Variants in ARMC2 observed in about 807,000 individuals in gnomAD.
The protein encoded by ARMC2 is armadillo repeat containing 2.
ARMC2 carries 67 observed loss-of-function variants against 90.3 expected under a neutral mutation model. That is an observed-to-expected ratio of 0.74 (90% CI 0.61 to 0.91). The LOEUF (loss-of-function observed/expected upper bound fraction) is 0.91. Ranked by LOEUF, ARMC2 falls within the 40% of genes least tolerant of loss-of-function variation. The probability of loss-of-function intolerance (pLI) is 0.00; values close to 1 mark genes in which losing one functional copy is unlikely to be tolerated. For missense variants in ARMC2, 920 were observed against 1,030.9 expected (o/e 0.89, Z 1.47); for synonymous variants, 393 against 393.0 (o/e 1.00, Z 0.00).
intron 3 of ARMC2, among the ~76,000 whole-genome samples, chr6:108,863,640 T>G (rs1207632529): frequency 6.6e-6 from 1 of 152,226 alleles, no homozygotes; most frequent in Non-Finnish European, 1.5e-5. Context: ...ACAGGAAGTG[T>G]TGTCTTTCAT....
intron 11 of ARMC2, among the ~76,000 whole-genome samples, chr6:108,928,561 C>T (rs546812992): frequency 9.9e-5 from 15 of 152,102 alleles, no homozygotes; most frequent in Non-Finnish European, 2.1e-4. Flanking sequence ...AGCAAACCTT[C>T]CAGTTTGCTA....
chr6:108,941,570 A>T (rs893995429), intron 12 of ARMC2, among the ~76,000 whole-genome samples: 20 of 152,240 alleles, frequency 1.3e-4, no homozygotes, highest in Admixed American at 1.2e-3. Context: ...GATACCAGAC[A>T]CAATAAAGTT....
the ARMC2 span, among the ~76,000 whole-genome samples, chr6:109,041,579 G>A: frequency 6.6e-6 from 1 of 151,988 alleles, no homozygotes; most frequent in African/African-American, 2.4e-5. Flanking sequence ...AGACTTCAGA[G>A]CAAAGAAAAT....
the ARMC2 span, chr6:108,994,707 T>C: frequency 9.0e-7 from 1 of 1,115,196 alleles, no homozygotes; most frequent in African/African-American, 1.7e-5. Flanking sequence ...TCTTTTTTTT[T>C]TTTTTTTTTT....
intron 17 of ARMC2, among the ~76,000 whole-genome samples, chr6:108,972,704 C>T (rs760624314): frequency 1.1e-4 from 17 of 152,142 alleles, no homozygotes; most frequent in Non-Finnish European, 2.4e-4. Flanking sequence ...CTCTGTGTCT[C>T]TTAGGCTGGA....
chr6:108,901,026 C>G (rs1772084447), intron 7 of ARMC2, among the ~76,000 whole-genome samples: 1 of 142,282 alleles, frequency 7.0e-6, no homozygotes, highest in African/African-American at 2.6e-5. Context: ...TATTGCACAA[C>G]ATTGAATGGG....
At chr6:109,006,946 T>A in the ARMC2 span, among the ~76,000 whole-genome samples, 2 of 152,160 alleles carry the variant, frequency 1.3e-5, no homozygotes, top group Non-Finnish European at 2.9e-5. Flanking sequence ...CAATCCAGAT[T>A]CTAGGAGACA....
chr6:108,905,209 T>C (rs1019328654), intron 8 of ARMC2, among the ~76,000 whole-genome samples: 9 of 152,314 alleles, frequency 5.9e-5, no homozygotes, highest in Non-Finnish European at 1.3e-4. Flanking sequence ...CAGTACACAG[T>C]GAAGGTAAGT....
At position 108,929,325 on chromosome 6, in the gene ARMC2, C is replaced by G. The variant is rs80259982; in HGVS notation, c.1496+1092C>G. Among the ~76,000 whole-genome samples, 638 of 152,256 alleles carry G rather than the reference C, an allele frequency of 4.2e-3. 3 individuals are homozygous for G. Among genetic ancestry groups the G allele is most frequent in the African/African-American group, 0.014 (598 of 41,550 alleles). On this transcript the variant is annotated intron_variant, in intron 11 of 17. Transcript: ENST00000392644. ...GTTCCAGCACCTTTTACTGACTATG[C>G]CATCCTTTCTCACTGATTTTGTCAA... is the stretch of plus-strand genomic sequence containing the variant.
chr6:109,006,399 T>G, the ARMC2 span, among the ~76,000 whole-genome samples: 3 of 151,998 alleles, frequency 2.0e-5, no homozygotes, highest in African/African-American at 7.3e-5. Context: ...GCTGCACCCA[T>G]TAACTTGTCA....
intron 7 of ARMC2, among the ~76,000 whole-genome samples, chr6:108,902,371 C>T (rs1772240679): frequency 6.6e-6 from 1 of 152,166 alleles, no homozygotes; most frequent in Non-Finnish European, 1.5e-5. Context: ...TAGAACCTAC[C>T]AGGCTGAAGA....
chr6:108,855,529 G>A (rs987681997), intron 2 of ARMC2, among the ~76,000 whole-genome samples: 5 of 152,166 alleles, frequency 3.3e-5, no homozygotes, highest in African/African-American at 9.7e-5. Flanking sequence ...GGGATTACAG[G>A]CGTGAGCGAC....
At chr6:109,000,547 C>A in the ARMC2 span, 1 of 1,611,118 alleles carries the variant, frequency 6.2e-7, no homozygotes, top group African/African-American at 1.3e-5. Context: ...TTGTTAAGTT[C>A]TCCTAAATTC....
chr6:108,893,664 G>A (rs1292472165), intron 5 of ARMC2, among the ~76,000 whole-genome samples: 1 of 152,188 alleles, frequency 6.6e-6, no homozygotes, highest in Non-Finnish European at 1.5e-5. Flanking sequence ...CATGTTGTTA[G>A]GCAAATATGA....
chr6:109,002,644 A>G, the ARMC2 span, among the ~76,000 whole-genome samples: 1 of 152,356 alleles, frequency 6.6e-6, no homozygotes, highest in Non-Finnish European at 1.5e-5. Context: ...CCTGTGGATC[A>G]TCAGTGATAC....
intron 10 of ARMC2, among the ~76,000 whole-genome samples, chr6:108,916,170 G>A (rs1038134088): frequency 1.3e-5 from 2 of 152,190 alleles, no homozygotes; most frequent in African/African-American, 4.8e-5. Context: ...ATTGATATAT[G>A]TTTATCACCT....
At chr6:108,977,258 C>G (rs528225654), downstream of ARMC2, among the ~76,000 whole-genome samples, 2 of 152,270 alleles carry the variant, frequency 1.3e-5, no homozygotes, top group Non-Finnish European at 2.9e-5. Flanking sequence ...TTGAGATAAT[C>G]ATGTGTTTTT....
chr6:109,009,467 GC>G, the ARMC2 span: 1 of 1,274,814 alleles, frequency 7.8e-7, no homozygotes, highest in East Asian at 3.2e-5. Flanking sequence ...GCATGTCGGC[GC>G]GGGGACGGCT....
chr6:108,922,155 G>A (rs1774640811), intron 10 of ARMC2, among the ~76,000 whole-genome samples: 1 of 152,198 alleles, frequency 6.6e-6, no homozygotes, highest in South Asian at 2.1e-4. Flanking sequence ...GTGTGTGGAG[G>A]TTGCCCCACC....
Sources: gnomAD v4.1 joint callset for allele counts (sites outside exome capture counted in the v4.1 genomes callset) on GRCh38, gnomAD v4.1.1 for gene constraint, MANE v1.5 for transcripts, NCBI Gene and HGNC (gene_info 2026-07-23, HGNC 2026-07-21) for gene names.